The following SLC18A2 variants were observed in gnomAD, a reference collection of about 807,000 sequenced individuals.
SLC18A2 encodes the protein synaptic vesicular amine transporter.
SLC18A2 carries 33 observed loss-of-function variants against 59.2 expected under a neutral mutation model. The observed-to-expected ratio is 0.56, with a 90% CI of 0.42 to 0.75. The LOEUF (loss-of-function observed/expected upper bound fraction) is 0.75, where lower values mean the gene tolerates loss of function less well. Ranked by LOEUF, SLC18A2 falls within the 30% of genes least tolerant of loss-of-function variation. The pLI is 0.00. For synonymous variants in SLC18A2, 228 were observed against 253.5 expected, an observed-to-expected ratio of 0.90 and a Z score of 0.95; for missense variants, 569 against 668.6, an observed-to-expected ratio of 0.85 and a Z score of 1.64.
Position 117,244,099 on chromosome 10 carries a change from A to G in SLC18A2, c.250A>G (p.Asn84Asp), listed in dbSNP as rs986088840. ...CCAGAGCATCTTCTCCTATTATGAT[A>G]ACTCGACTATGGTCACCGGGAATGC... ...SFQSIFSYYD[N>D]STMVTGNATR... The change falls in exon 3 of 16, where the codon AAC (asparagine) becomes GAC (aspartate). Residue 84 changes from asparagine (N) to aspartate (D), a missense_variant. By Grantham distance (23) the Asn-to-Asp change is conservative (BLOSUM62 1). Coordinates refer to ENST00000644641, the MANE Select transcript of SLC18A2 (RefSeq NM_003054.6). 1 of 1,614,208 alleles carries G rather than the reference A, an allele frequency of 6.2e-7. No individual in the cohort carries two copies. The highest frequency in any genetic ancestry group is 8.5e-7 in the Non-Finnish European group (1 of 1,180,048).
chr10:117,271,504 T>G (rs1413334003), intron 15 of SLC18A2, among the ~76,000 whole-genome samples: 1 of 152,248 alleles, frequency 6.6e-6, no homozygotes, highest in African/African-American at 2.4e-5. Flanking sequence ...TTCCACATAT[T>G]TTAAAATATA....
At chr10:117,256,496 C>T (rs140476143) in intron 9 of SLC18A2, among the ~76,000 whole-genome samples, 60 of 152,278 alleles carry the variant, frequency 3.9e-4, no homozygotes, top group Non-Finnish European at 6.6e-4. Context: ...TGTCTAAGCA[C>T]GGCTCCCTAA....
At chr10:117,263,159 C>G (rs541559621) in intron 10 of SLC18A2, among the ~76,000 whole-genome samples, 6 of 152,318 alleles carry the variant, frequency 3.9e-5, no homozygotes, top group Non-Finnish European at 8.8e-5. Flanking sequence ...CTACCTGCCT[C>G]CTGTGTCAGC....
intron 10 of SLC18A2, among the ~76,000 whole-genome samples, chr10:117,265,828 G>T (rs1020250681): frequency 6.6e-6 from 1 of 152,168 alleles, no homozygotes; most frequent in African/African-American, 2.4e-5. Flanking sequence ...GGTGGCTCAC[G>T]CCTGTAATCC....
rs1844056486 is a variant in SLC18A2, at chr10:117,241,717, G to T, written c.24G>T (p.Leu8=). The part of the protein sequence containing the change: MALSELA[L]VRWLQESRRS... ...CCATGGCCCTGAGCGAGCTGGCGCT[G>T]GTCCGCTGGCTGCAGGAGAGCCGCC... Residue 8 remains leucine (L), a synonymous_variant, in exon 2 of 16, where the codon CTG becomes CTT. Coordinates refer to ENST00000644641, the MANE Select transcript of SLC18A2 (RefSeq NM_003054.6). 1 of 1,604,138 alleles carries T rather than the reference G, an allele frequency of 6.2e-7. No individual in the cohort carries two copies. Among genetic ancestry groups the T allele is most frequent in the Non-Finnish European group, 8.5e-7 (1 of 1,176,462 alleles).
chr10:117,266,699 G>C (rs1844352539), intron 10 of SLC18A2, 34 bp from the exon 11 acceptor site: 1 of 1,450,656 alleles, frequency 6.9e-7, no homozygotes. Context: ...ACTGATATCA[G>C]CACTGATAAG....
intron 15 of SLC18A2, among the ~76,000 whole-genome samples, chr10:117,272,764 A>G (rs2244249): frequency 0.78 from 119,173 of 152,120 alleles, 47,169 homozygotes; most frequent in Non-Finnish European, 0.85. Context: ...AAGGCATCAC[A>G]TTGGATGCCA....
intron 15 of SLC18A2, 118 bp from the exon 16 acceptor site, chr10:117,277,044 T>C: frequency 1.7e-6 from 1 of 584,162 alleles, no homozygotes; most frequent in Non-Finnish European, 3.0e-6. Flanking sequence ...AAATGACTGG[T>C]TAATAGCAAG....
chr10:117,276,613 C>CAAAAAAAAAAAAAAAAAAAAAAAAA (rs1161850365), intron 15 of SLC18A2, among the ~76,000 whole-genome samples: 2 of 46,734 alleles, frequency 4.3e-5, no homozygotes, highest in African/African-American at 9.4e-5. Flanking sequence ...GACTTCATCT[C>CAAAAAAAAAAAAAAAAAAAAAAAAA]AAAAAAAAAA....
rs1411269716 is a variant in SLC18A2, at chr10:117,269,990, T to G, written c.1187-81T>G. On this transcript the variant is annotated intron_variant, in intron 13 of 15. Transcript: ENST00000644641. This position sits in a 1 kb window ranked among gnomAD's most constrained non-coding sequence, Gnocchi z 5.1. Reference sequence around the variant, plus strand: ...GGGGAAGAGCTGGCAGGGTGGTGAGTTTAAGACACACTCCCTGATATTCGG... The same window carrying G: ...GGGGAAGAGCTGGCAGGGTGGTGAGGTTAAGACACACTCCCTGATATTCGG... 2 of 1,562,338 alleles carry G rather than the reference T, an allele frequency of 1.3e-6. No homozygotes were observed. Among genetic ancestry groups the G allele is most frequent in the Non-Finnish European group, 1.7e-6 (2 of 1,143,846 alleles).
intron 15 of SLC18A2, among the ~76,000 whole-genome samples, chr10:117,276,073 T>C (rs1178343488): frequency 1.3e-5 from 2 of 151,734 alleles, no homozygotes; most frequent in African/African-American, 4.8e-5. Flanking sequence ...GGAAGATCAC[T>C]TGAGCCCAGG....
At chr10:117,241,564 G>T in intron 1 of SLC18A2, 115 bp from the exon 2 acceptor site, 2 of 1,154,900 alleles carry the variant, frequency 1.7e-6, no homozygotes, top group South Asian at 1.8e-5. Flanking sequence ...GCGCCCGGGG[G>T]TGTCCCCGGA....
At chr10:117,257,405 T>C (rs548190909) in intron 9 of SLC18A2, among the ~76,000 whole-genome samples, 1 of 152,052 alleles carries the variant, frequency 6.6e-6, no homozygotes, top group African/African-American at 2.4e-5. Context: ...AAAACACAGA[T>C]GCGAGAGCCT....
chr10:117,271,356 G>A (rs1347848565), intron 15 of SLC18A2, among the ~76,000 whole-genome samples: 1 of 152,226 alleles, frequency 6.6e-6, no homozygotes, highest in African/African-American at 2.4e-5. Context: ...CAGTGGAACT[G>A]AATGCATCTT....
chr10:117,265,402 C>T (rs1002560407), intron 10 of SLC18A2, among the ~76,000 whole-genome samples: 8 of 152,050 alleles, frequency 5.3e-5, no homozygotes, highest in African/African-American at 1.2e-4. Context: ...AGCAGGCACT[C>T]GGTCATCTGA....
At chr10:117,256,460 G>A (rs975928003) in intron 9 of SLC18A2, among the ~76,000 whole-genome samples, 1 of 152,086 alleles carries the variant, frequency 6.6e-6, no homozygotes, top group Non-Finnish European at 1.5e-5. Flanking sequence ...CTGCACTGTA[G>A]CACTAGACCC....
intron 10 of SLC18A2, among the ~76,000 whole-genome samples, chr10:117,259,257 A>G (rs1018918700): frequency 1.3e-5 from 2 of 152,060 alleles, no homozygotes; most frequent in African/African-American, 4.8e-5. Flanking sequence ...CATTTTCTTA[A>G]TGTTTTATGT....
chr10:117,255,666 C>T lies in SLC18A2; in HGVS notation c.895+9C>T. ...CATCCTCATTGCTGCAGGTGGGGCT[C>T]TGTGGGTCTTCTGAGTCAGGGGAAT... On this transcript the variant is annotated intron_variant, in intron 9 of 15. Coordinates refer to ENST00000644641, the MANE Select transcript of SLC18A2 (RefSeq NM_003054.6). The T allele has an allele frequency of 1.9e-6, 3 of 1,612,252 alleles. No individual in the cohort carries two copies. The highest frequency in any genetic ancestry group is 1.7e-6 in the Non-Finnish European group (2 of 1,179,740).
In SLC18A2 at chr10:117,257,617, C is replaced by T. The variant is rs1286989764; in HGVS notation, c.896-180C>T. Among the ~76,000 whole-genome samples, 67 of 152,188 alleles carry T rather than the reference C, an allele frequency of 4.4e-4. 1 individual carries two copies. Among genetic ancestry groups the T allele is most frequent in the Admixed American group, 4.3e-3 (66 of 15,284 alleles). On this transcript the variant is annotated intron_variant, in intron 9 of 15. Coordinates refer to ENST00000644641, the MANE Select transcript of SLC18A2 (RefSeq NM_003054.6). ...TAGTTGTTTAAAATGAGGACGACGA[C>T]GACCATGATGATGATGATTATGATA...
Sources: gnomAD v4.1 joint callset for allele counts (sites outside exome capture counted in the v4.1 genomes callset) on GRCh38, gnomAD v4.1.1 for gene constraint, Gnocchi (gnomAD v3.1) non-coding constraint, MANE v1.5 for transcripts, NCBI Gene and HGNC (gene_info 2026-07-23, HGNC 2026-07-21) for gene names.